Variants in BRF1 observed in about 807,000 individuals in gnomAD.
BRF1 encodes BRF1 general transcription factor IIIB subunit.
A neutral mutation model predicts 81.7 loss-of-function variants in BRF1; 59 were observed. That is an observed-to-expected ratio of 0.72 (90% confidence interval 0.59 to 0.90). The LOEUF is 0.90. Ranked by LOEUF, BRF1 falls within the 40% of genes least tolerant of loss-of-function variation. The probability of loss-of-function intolerance (pLI) is 0.00; values close to 1 mark genes in which losing one functional copy is unlikely to be tolerated. For missense variants in BRF1, 1,050 were observed against 936.3 expected, an observed-to-expected ratio of 1.12 and a Z score of -1.58; for synonymous variants, 491 against 395.6, an observed-to-expected ratio of 1.24 and a Z score of -2.86.
intron 2 of BRF1, among the ~76,000 whole-genome samples, chr14:105,282,440 C>A (rs1157820729): frequency 6.6e-6 from 1 of 152,212 alleles, no homozygotes; most frequent in Non-Finnish European, 1.5e-5. Context: ...TCGGAAGCTA[C>A]ATTCACAGAT....
At chr14:105,243,298 A>AAAAG (rs1347782594) in intron 5 of BRF1, among the ~76,000 whole-genome samples, 1 of 151,238 alleles carries the variant, frequency 6.6e-6, no homozygotes, top group Non-Finnish European at 1.5e-5. Flanking sequence ...AAAAAAAAAA[A>AAAAG]AATTAGCCGG....
At chr14:105,244,874 G>A (rs145143160) in intron 5 of BRF1, among the ~76,000 whole-genome samples, 3 of 151,614 alleles carry the variant, frequency 2.0e-5, no homozygotes, top group South Asian at 2.1e-4. Flanking sequence ...AAATGACCAG[G>A]TATGATAGAA....
At chr14:105,245,057 G>T (rs992278720) in intron 5 of BRF1, among the ~76,000 whole-genome samples, 3 of 152,096 alleles carry the variant, frequency 2.0e-5, no homozygotes, top group African/African-American at 7.2e-5. Flanking sequence ...CAAGCGCTTT[G>T]TGTATTTAAG....
At chr14:105,220,444 C>T (rs1281591647) in intron 11 of BRF1, among the ~76,000 whole-genome samples, 5 of 152,182 alleles carry the variant, frequency 3.3e-5, no homozygotes, top group South Asian at 2.1e-4. Context: ...CCCCAAAGAC[C>T]GAGGGAGGGC....
chr14:105,297,438 C>T (rs1310400641), intron 1 of BRF1, among the ~76,000 whole-genome samples: 3 of 151,778 alleles, frequency 2.0e-5, no homozygotes, highest in South Asian at 2.1e-4. Context: ...GGTGTGGTGG[C>T]GTGTGCCTGC....
At chr14:105,305,998 A>G (rs2058177114), upstream of BRF1, among the ~76,000 whole-genome samples, 1 of 152,254 alleles carries the variant, frequency 6.6e-6, no homozygotes, top group Non-Finnish European at 1.5e-5. Context: ...ACCTGACTCC[A>G]GCACACAGCA....
Position 105,300,567 on chromosome 14 carries a change from C to G in BRF1, c.63G>C (p.Gly21=). 1 of 1,494,840 alleles carries G rather than the reference C, an allele frequency of 6.7e-7. No homozygotes were observed. The highest frequency in any genetic ancestry group is 8.9e-7 in the Non-Finnish European group (1 of 1,125,880). The allele number at this position is 1,494,840 out of a possible 1,614,324, so 92.6% of individuals were successfully genotyped here. The stretch of plus-strand genomic sequence containing the variant: ...AGCCGCAGGCGGTGCACACCGCGTC[C>G]CCGCGCGCCGCGTCCAGCTCGATGT... ...GTDIELDAAR[G]DAVCTACGSV... is the part of the protein sequence containing the mutation. The change falls in exon 1 of 18, where the codon GGG becomes GGC. Residue 21 remains glycine, a synonymous_variant. Transcript: ENST00000547530.
At chr14:105,283,539 A>C (rs1181773843) in intron 2 of BRF1, among the ~76,000 whole-genome samples, 1 of 151,994 alleles carries the variant, frequency 6.6e-6, no homozygotes, top group South Asian at 2.1e-4. Context: ...CTTCACTGAC[A>C]CTCACCCCTA....
At chr14:105,256,277 G>GC in intron 4 of BRF1, 2 of 1,546,090 alleles carry the variant, frequency 1.3e-6, no homozygotes, top group Non-Finnish European at 1.7e-6. Context: ...ACCCAACCGT[G>GC]CCCAGCATTG....
chr14:105,306,365 G>T (rs925804166), intron 1 of BRF1, among the ~76,000 whole-genome samples: 2 of 151,540 alleles, frequency 1.3e-5, no homozygotes, highest in African/African-American at 4.9e-5. Context: ...GTGCAGCGGC[G>T]CCATCTCGAC....
intron 4 of BRF1, 92 bp from the exon 5 acceptor site, chr14:105,252,671 T>A: frequency 7.3e-7 from 1 of 1,366,570 alleles, no homozygotes; most frequent in Non-Finnish European, 1.0e-6. Flanking sequence ...GTGCAGTCTT[T>A]AAAGACTCCG....
rs1383452111 is a variant in BRF1, at chr14:105,296,242, C to T, written c.184+4204G>A. ...ATCTCTACTAAAAATACAAAAACTG[C>T]GGCCGGGTGCAACAGCTCACACCTG... On this transcript the variant is annotated intron_variant, in intron 1 of 17. Coordinates refer to ENST00000547530, the MANE Select transcript of BRF1 (RefSeq NM_001519.4). Among the ~76,000 whole-genome samples, 10 of 151,946 alleles carry T rather than the reference C, an allele frequency of 6.6e-5. No individual in the cohort carries two copies. The South Asian group carries it at 1.2e-3, about 19-fold the overall frequency.
chr14:105,248,029 T>A, intron 5 of BRF1: 2 of 985,478 alleles, frequency 2.0e-6, no homozygotes, highest in Non-Finnish European at 2.4e-6. Context: ...GGCCAGATCC[T>A]GACTTGCCCA....
intron 1 of BRF1, among the ~76,000 whole-genome samples, chr14:105,298,492 A>G (rs1327012689): frequency 3.3e-5 from 5 of 152,238 alleles, no homozygotes; most frequent in Non-Finnish European, 7.3e-5. Flanking sequence ...ACGGTGTTGA[A>G]ACAAGGGGAC....
chr14:105,315,544 C>T (rs987281612), upstream of BRF1: 1 of 152,296 alleles, frequency 6.6e-6, no homozygotes, highest in Non-Finnish European at 1.5e-5. This position sits in a 1 kb window ranked among gnomAD's most constrained non-coding sequence, Gnocchi z 4.4. Flanking sequence ...CGGGGTCGTC[C>T]TCGCGGGTAC....
In BRF1 at chr14:105,284,136, G is replaced by A. The variant is rs986382486; in HGVS notation, c.265+2160C>T. On this transcript the variant is annotated intron_variant, in intron 2 of 17. Transcript: ENST00000547530. The surrounding 1 kb of genome is among the most constrained non-coding windows in gnomAD (Gnocchi z 4.0). ...GCTGCACCCGCTTCCTGCAGGAAAC[G>A]CATTCAAGCGCCCAACACACATGCA... Among the ~76,000 whole-genome samples, 1 of 152,120 alleles carries A rather than the reference G, an allele frequency of 6.6e-6. No individual in the cohort carries two copies. The highest frequency in any genetic ancestry group is 2.4e-5 in the African/African-American group (1 of 41,430).
At chr14:105,275,924 GC>G (rs2056862457) in intron 2 of BRF1, among the ~76,000 whole-genome samples, 1 of 151,964 alleles carries the variant, frequency 6.6e-6, no homozygotes, top group African/African-American at 2.4e-5. Flanking sequence ...GAGCTGAGAG[GC>G]GGCCCTCACT....
rs958450507 is a variant in BRF1, at chr14:105,247,083, A to T, written c.544+5424T>A. 7 of 985,400 alleles carry T rather than the reference A, an allele frequency of 7.1e-6. No homozygotes were observed. In the South Asian group the frequency reaches 2.8e-4, roughly 40 times the overall value. 61.0% of individuals were successfully genotyped at this position (985,400 alleles called of 1,614,324 possible). On this transcript the variant is annotated intron_variant, in intron 5 of 17. Transcript: ENST00000547530. ...TTATGCCCGTTACCTTTTTCTATGG[A>T]AACAGACGGCTGGGACAGAAACCAC...
At chr14:105,313,780 G>A (rs997850651) in intron 1 of BRF1, among the ~76,000 whole-genome samples, 1 of 152,276 alleles carries the variant, frequency 6.6e-6, no homozygotes, top group African/African-American at 2.4e-5. Context: ...AGAGAGGCCA[G>A]AAAACCGTTT....
Sources: gnomAD v4.1 joint callset for allele counts (sites outside exome capture counted in the v4.1 genomes callset) on GRCh38, gnomAD v4.1.1 for gene constraint, Gnocchi (gnomAD v3.1) non-coding constraint, MANE v1.5 for transcripts, NCBI Gene and HGNC (gene_info 2026-07-23, HGNC 2026-07-21) for gene names.